Variants in DNAH11 observed in about 807,000 individuals in gnomAD.
The protein encoded by DNAH11 is axonemal beta dynein heavy chain 11.
Under a neutral mutation model 526.0 loss-of-function variants are expected in DNAH11, and 442 were observed. That is an observed-to-expected ratio of 0.84 (90% CI 0.78 to 0.91). The LOEUF is 0.91. DNAH11 is among the 40% of genes least tolerant of loss of function. The pLI is 0.00. For missense variants in DNAH11, 6,989 were observed against 5,448.7 expected (o/e 1.28, Z -8.90); for synonymous variants, 2,461 against 1,935.9 (o/e 1.27, Z -7.12).
At chr7:21,638,525 G>C (rs889050369) in intron 27 of DNAH11, among the ~76,000 whole-genome samples, 3 of 152,150 alleles carry the variant, frequency 2.0e-5, no homozygotes, top group Admixed American at 2.0e-4. Context: ...TAGACATCCA[G>C]TGGGGGAAAA....
intron 34 of DNAH11, among the ~76,000 whole-genome samples, chr7:21,689,866 A>T (rs1783537600): frequency 6.6e-6 from 1 of 152,186 alleles, no homozygotes; most frequent in East Asian, 1.9e-4. Context: ...GTTTACCCTC[A>T]TTTGAAAGTT....
chr7:21,713,311 C>T (rs1275634298), intron 42 of DNAH11, among the ~76,000 whole-genome samples: 15 of 152,152 alleles, frequency 9.9e-5, no homozygotes, highest in Admixed American at 9.8e-4. Flanking sequence ...TAGTGGGCTC[C>T]TTGCCTTCCG....
intron 79 of DNAH11, among the ~76,000 whole-genome samples, chr7:21,897,657 C>G (rs149790202): frequency 6.6e-6 from 1 of 152,068 alleles, no homozygotes; most frequent in African/African-American, 2.4e-5. Flanking sequence ...ATTCTGTTGC[C>G]TAGGCTGGAG....
chr7:21,856,693 T>C (rs1782863016), intron 68 of DNAH11, among the ~76,000 whole-genome samples: 2 of 152,088 alleles, frequency 1.3e-5, no homozygotes, highest in Non-Finnish European at 1.5e-5. Flanking sequence ...AATCACGAAG[T>C]GTAATTAATC....
intron 62 of DNAH11, among the ~76,000 whole-genome samples, chr7:21,804,756 C>A (rs1157894825): frequency 6.6e-6 from 1 of 152,164 alleles, no homozygotes; most frequent in Non-Finnish European, 1.5e-5. Context: ...TCTGCAGGCC[C>A]CACCATTACC....
At chr7:21,772,059 C>T (rs34915629) in intron 55 of DNAH11, among the ~76,000 whole-genome samples, 9,694 of 152,210 alleles carry the variant, frequency 0.064, 734 homozygotes, top group East Asian at 0.38. Context: ...TCAAAGAGGT[C>T]TGTTCTGGAA....
chr7:21,742,129 A>G lies in DNAH11; in HGVS notation c.8117A>G (p.Tyr2706Cys), dbSNP rs1060503066. The stretch of plus-strand genomic sequence containing the variant: ...TTACCCACGGCTATTAAATTCCACT[A>G]CATCTTTAATCTGAGAGATTTATCA... Reference protein sequence around the residue: ...NFLPTAIKFHYIFNLRDLSNV... With the variant: ...NFLPTAIKFHCIFNLRDLSNV... Residue 2706 changes from tyrosine to cysteine, a missense_variant, in exon 49 of 82, where the codon TAC becomes TGC. Physicochemically the swap from Tyr to Cys is radical, Grantham distance 194. Transcript: ENST00000409508. 1 of 1,613,896 alleles carries G rather than the reference A, an allele frequency of 6.2e-7. No individual in the cohort carries two copies. The highest frequency in any genetic ancestry group is 2.2e-5 in the East Asian group (1 of 44,880).
chr7:21,622,294 A>T (rs1015406599), intron 25 of DNAH11, among the ~76,000 whole-genome samples: 6 of 152,208 alleles, frequency 3.9e-5, no homozygotes, highest in Non-Finnish European at 7.3e-5. Flanking sequence ...GGAGAACTAC[A>T]AACCACTGCT....
At chr7:21,891,116 G>A (rs1784310814) in intron 76 of DNAH11, among the ~76,000 whole-genome samples, 3 of 152,172 alleles carry the variant, frequency 2.0e-5, no homozygotes, top group Non-Finnish European at 4.4e-5. Context: ...TAGACTCTGA[G>A]TTCCTTAATA....
chr7:21,570,541 CT>C lies in DNAH11; in HGVS notation c.1425+243del. ...ATTATTACATTGAGTATAAGTAAAT[CT>C]CTTTATGTATCAGTGACTCTTAGAA... On this transcript the variant is annotated intron_variant, in intron 7 of 81. Transcript: ENST00000409508. 1.1e-5 allele frequency: 4 copies of C among 348,468 alleles called. No individual in the cohort carries two copies. The South Asian group carries it at 2.8e-4, about 24-fold the overall frequency. 21.6% of individuals were successfully genotyped at this position (348,468 alleles called of 1,614,324 possible).
At chr7:21,671,861 C>A (rs1187204829) in intron 30 of DNAH11, among the ~76,000 whole-genome samples, 1 of 152,140 alleles carries the variant, frequency 6.6e-6, no homozygotes, top group Non-Finnish European at 1.5e-5. Flanking sequence ...ACATTAGAAT[C>A]ATTTCCATTA....
rs139411308 is a variant in DNAH11, at chr7:21,718,533, T to C, written c.7134+608T>C. On this transcript the variant is annotated intron_variant, in intron 43 of 81. Coordinates refer to ENST00000409508, the MANE Select transcript of DNAH11 (RefSeq NM_001277115.2). ...GAGTTCATAATATCCCAGGGATATA[T>C]TTTTTCTCATCTTCATCTTGAGACA... is the stretch of plus-strand genomic sequence containing the variant. 1.3e-3 allele frequency among the ~76,000 whole-genome samples: 195 copies of C among 152,232 alleles called. 1 individual carries two copies. The highest frequency in any genetic ancestry group is 2.3e-3 in the Admixed American group (35 of 15,304).
At chr7:21,814,432 G>A (rs183680757) in intron 63 of DNAH11, among the ~76,000 whole-genome samples, 2,925 of 149,380 alleles carry the variant, frequency 0.02, 102 homozygotes, top group African/African-American at 0.067. Context: ...AGTTACATAC[G>A]TATACGTGTG....
chr7:21,765,610 T>TCACACACACACACACG (rs1787143586), intron 55 of DNAH11, 21 bp downstream of exon 55: 2 of 905,198 alleles, frequency 2.2e-6, no homozygotes, highest in African/African-American at 1.6e-5. Flanking sequence ...TCAGCCTGCG[T>TCACACACACACACACG]CACACACACA....
Position 21,681,564 on chromosome 7 carries a change from CTGAT to C in DNAH11, c.5349_5352del (p.Ile1784HisfsTer16), listed in dbSNP as rs778733267. 2.5e-6 allele frequency: 4 copies of C among 1,613,850 alleles called. No homozygotes were observed. The highest frequency in any genetic ancestry group is 3.4e-6 in the Non-Finnish European group (4 of 1,179,756). ...CTTCTAGATTTCTCAGCTGAATACA[CTGAT>C]TACACTTTTGCTGGGAGAACTTCCA... On this transcript the variant is annotated frameshift_variant, in exon 31 of 82. Coordinates refer to ENST00000409508, the MANE Select transcript of DNAH11 (RefSeq NM_001277115.2). LOFTEE classifies it high-confidence loss of function.
In DNAH11 at chr7:21,810,836, T is replaced by C. The variant is rs185001218; in HGVS notation, c.10332+2787T>C. Reference sequence around the variant, plus strand: ...AGGAGCATTTTAGGCTGAAAAGAGATGGGAGGTTAGCCAGAAGTTAGTGTT... The same window carrying C: ...AGGAGCATTTTAGGCTGAAAAGAGACGGGAGGTTAGCCAGAAGTTAGTGTT... On this transcript the variant is annotated intron_variant, in intron 63 of 81. Coordinates refer to ENST00000409508, the MANE Select transcript of DNAH11 (RefSeq NM_001277115.2). Among the ~76,000 whole-genome samples the C allele has an allele frequency of 7.6e-4, 116 of 152,104 alleles. No individual in the cohort carries two copies. The East Asian group carries it at 0.022, about 29-fold the overall frequency.
At chr7:21,604,182 G>A (rs1258670126) in intron 18 of DNAH11, among the ~76,000 whole-genome samples, 1 of 152,168 alleles carries the variant, frequency 6.6e-6, no homozygotes, top group African/African-American at 2.4e-5. Context: ...GTCTGGCTAT[G>A]CCTACTAAGA....
intron 78 of DNAH11, 23 bp downstream of exon 78, chr7:21,894,828 G>C (rs577896257): frequency 1.2e-6 from 2 of 1,610,886 alleles, no homozygotes; most frequent in Non-Finnish European, 1.7e-6. Flanking sequence ...TGAGGCTATA[G>C]TAGACTTCAG....
At chr7:21,664,000 T>C (rs1341837324) in intron 30 of DNAH11, among the ~76,000 whole-genome samples, 1 of 152,040 alleles carries the variant, frequency 6.6e-6, no homozygotes, top group East Asian at 1.9e-4. Flanking sequence ...GAGGAAACTT[T>C]ATGCTATTTT....
Sources: allele counts gnomAD v4.1 joint callset (sites outside exome capture counted in the v4.1 genomes callset), GRCh38; gene constraint gnomAD v4.1.1; transcripts MANE v1.5; gene names NCBI Gene and HGNC (gene_info 2026-07-23, HGNC 2026-07-21).